Variants in ALMS1 observed in about 807,000 individuals in gnomAD.
ALMS1 encodes ALMS1 centrosome and basal body associated protein.
In ALMS1, 271 loss-of-function variants were observed where a neutral mutation model predicts 352.2. The observed-to-expected ratio is 0.77, with a 90% confidence interval of 0.70 to 0.85. The LOEUF (loss-of-function observed/expected upper bound fraction) is 0.85, where lower values mean the gene tolerates loss of function less well. ALMS1 is among the 40% of genes least tolerant of loss of function. The probability of loss-of-function intolerance (pLI) is 0.00; values close to 1 mark genes in which losing one functional copy is unlikely to be tolerated. For synonymous variants in ALMS1, 1,865 were observed against 1,761.2 expected (o/e 1.06, Z -1.48); for missense variants, 5,445 against 4,870.7 (o/e 1.12, Z -3.51).
At chr2:73,482,721 G>A (rs959892689) in intron 9 of ALMS1, among the ~76,000 whole-genome samples, 3 of 152,018 alleles carry the variant, frequency 2.0e-5, no homozygotes, top group East Asian at 1.9e-4. Context: ...ACTCTTTTTG[G>A]TTGGTAAGCT....
intron 10 of ALMS1, among the ~76,000 whole-genome samples, chr2:73,517,841 A>G (rs1337184456): frequency 6.6e-6 from 1 of 151,880 alleles, no homozygotes; most frequent in African/African-American, 2.4e-5. Context: ...TATTATTAGT[A>G]GAGATGGGGT....
chr2:73,604,651 G>C (rs562482187), intron 21 of ALMS1, among the ~76,000 whole-genome samples: 1 of 152,286 alleles, frequency 6.6e-6, no homozygotes, highest in South Asian at 2.1e-4. Flanking sequence ...GCAATCCAAA[G>C]GGATGCTTTG....
chr2:73,422,161 A>T (rs1258214775), intron 3 of ALMS1, among the ~76,000 whole-genome samples: 1 of 152,156 alleles, frequency 6.6e-6, no homozygotes, highest in Non-Finnish European at 1.5e-5. Flanking sequence ...TTCCAATACA[A>T]AAATGTTTAG....
intron 1 of ALMS1, among the ~76,000 whole-genome samples, chr2:73,396,550 C>T (rs865984987): frequency 6.0e-3 from 467 of 78,210 alleles, no homozygotes; most frequent in Admixed American, 7.7e-3. Context: ...GGTCTGAGCT[C>T]TTTTTTTTTT....
At chr2:73,394,525 T>C (rs1670714970) in intron 1 of ALMS1, among the ~76,000 whole-genome samples, 5 of 152,036 alleles carry the variant, frequency 3.3e-5, no homozygotes, top group African/African-American at 1.2e-4. Flanking sequence ...TATTTTTGTA[T>C]TTTTAGTGGA....
At chr2:73,471,856 G>T (rs1266790006) in intron 9 of ALMS1, among the ~76,000 whole-genome samples, 1 of 151,866 alleles carries the variant, frequency 6.6e-6, no homozygotes, top group Admixed American at 6.6e-5. Context: ...CCACTTCTGG[G>T]TACATATCCA....
At chr2:73,461,018 C>T (rs189551535) in intron 9 of ALMS1, among the ~76,000 whole-genome samples, 1,719 of 152,328 alleles carry the variant, frequency 0.011, 13 homozygotes, top group Non-Finnish European at 0.018. Flanking sequence ...GGGGGCAGGG[C>T]ATAGCCAAAC....
rs577260638 is a variant in ALMS1, at chr2:73,412,747, G to A, written c.450+4000G>A. 3.3e-5 allele frequency among the ~76,000 whole-genome samples: 5 copies of A among 152,288 alleles called. No homozygotes were observed. In the South Asian group the frequency reaches 8.3e-4, roughly 25 times the overall value. ...GGAGGCAGAGGTTGCAGTGAGTCAG[G>A]ATGGCGCCAGTGCACTCTGGCCTGG... is the stretch of plus-strand genomic sequence containing the variant. On this transcript the variant is annotated intron_variant, in intron 2 of 22. Transcript: ENST00000613296.
At chr2:73,427,528 T>C (rs1671406984) in intron 6 of ALMS1, among the ~76,000 whole-genome samples, 2 of 152,224 alleles carry the variant, frequency 1.3e-5, no homozygotes, top group Admixed American at 1.3e-4. Flanking sequence ...GGGGCACATG[T>C]GCAGAACGTG....
chr2:73,521,622 T>C (rs932868215), intron 11 of ALMS1, among the ~76,000 whole-genome samples: 4 of 137,136 alleles, frequency 2.9e-5, no homozygotes, highest in Admixed American at 2.2e-4. Context: ...CTGTGGCGGG[T>C]GCCTGTAGTC....
At chr2:73,595,831 T>G (rs1290834410) in intron 16 of ALMS1, among the ~76,000 whole-genome samples, 1 of 152,186 alleles carries the variant, frequency 6.6e-6, no homozygotes, top group Non-Finnish European at 1.5e-5. Flanking sequence ...GCCATTCTAG[T>G]GGGTGTGAAG....
At chr2:73,426,418 A>G in intron 5 of ALMS1, 35 bp from the exon 6 acceptor site, 2 of 1,603,960 alleles carry the variant, frequency 1.2e-6, no homozygotes, top group Non-Finnish European at 1.7e-6. Flanking sequence ...GTTTTACTAT[A>G]CATACAATTA....
Position 73,393,499 on chromosome 2 carries a change from C to A in ALMS1, c.324+7307C>A, listed in dbSNP as rs548666003. Among the ~76,000 whole-genome samples the A allele has an allele frequency of 9.2e-5, 14 of 151,932 alleles. No individual in the cohort carries two copies. In the South Asian group the frequency reaches 2.9e-3, roughly 32 times the overall value. On this transcript the variant is annotated intron_variant, in intron 1 of 22. Transcript: ENST00000613296. ...GTAAAGTCAGGGCTTTTAGTGTATC[C>A]ATCACTGGAGTAGCCTACGTTGTAC...
intron 10 of ALMS1, among the ~76,000 whole-genome samples, chr2:73,492,893 A>G (rs1449645608): frequency 1.3e-5 from 2 of 151,724 alleles, no homozygotes; most frequent in East Asian, 1.9e-4. Context: ...GTGCACCACC[A>G]TGCCTGGCTA....
chr2:73,506,058 C>G (rs1673313820), intron 10 of ALMS1, among the ~76,000 whole-genome samples: 1 of 151,950 alleles, frequency 6.6e-6, no homozygotes, highest in Admixed American at 6.6e-5. Flanking sequence ...AATCCTTTCT[C>G]CATTGCTTTT....
At chr2:73,557,749 GTTACT>G (rs899911742) in intron 14 of ALMS1, among the ~76,000 whole-genome samples, 2 of 152,086 alleles carry the variant, frequency 1.3e-5, no homozygotes, top group African/African-American at 4.8e-5. Context: ...CTACCTATCA[GTTACT>G]TTACTTCAAA....
At chr2:73,423,978 G>A (rs1671331543) in intron 4 of ALMS1, among the ~76,000 whole-genome samples, 1 of 151,958 alleles carries the variant, frequency 6.6e-6, no homozygotes, top group Admixed American at 6.6e-5. Flanking sequence ...GGGTCTTGCC[G>A]TATTGCCAAG....
intron 15 of ALMS1, among the ~76,000 whole-genome samples, chr2:73,566,591 TAGAA>T (rs1279817363): frequency 1.3e-5 from 2 of 152,230 alleles, no homozygotes; most frequent in African/African-American, 4.8e-5. Context: ...AATGAAACCT[TAGAA>T]AGCAAAACCA....
chr2:73,437,930 A>G (rs1671637743), intron 7 of ALMS1, among the ~76,000 whole-genome samples: 1 of 152,060 alleles, frequency 6.6e-6, no homozygotes, highest in African/African-American at 2.4e-5. Flanking sequence ...AAACAAGCCA[A>G]TCACACCCTC....
Sources: allele counts gnomAD v4.1 joint callset (sites outside exome capture counted in the v4.1 genomes callset), GRCh38; gene constraint gnomAD v4.1.1; transcripts MANE v1.5; gene names NCBI Gene and HGNC (gene_info 2026-07-23, HGNC 2026-07-21).